The following SGO2 variants were observed in gnomAD, a reference collection of about 807,000 sequenced individuals.
The protein encoded by SGO2 is shugoshin 2.
In SGO2, 68 loss-of-function variants were observed where a neutral mutation model predicts 99.5. The observed-to-expected ratio is 0.68, with a 90% CI of 0.56 to 0.84. The LOEUF (loss-of-function observed/expected upper bound fraction) is 0.84, where lower values mean the gene tolerates loss of function less well. Ranked by LOEUF, SGO2 falls within the 40% of genes least tolerant of loss-of-function variation. The pLI, the probability that SGO2 is intolerant of heterozygous loss-of-function variation, is 0.00. For missense variants in SGO2, 1,350 were observed against 1,436.7 expected, an observed-to-expected ratio of 0.94 and a Z score of 0.97; for synonymous variants, 457 against 487.1, an observed-to-expected ratio of 0.94 and a Z score of 0.81.
chr2:200,549,861 G>C (rs978703284), intron 5 of SGO2, among the ~76,000 whole-genome samples: 2 of 152,174 alleles, frequency 1.3e-5, no homozygotes, highest in African/African-American at 4.8e-5. Context: ...AATACTTGAA[G>C]TACTGGCCAG....
intron 5 of SGO2, among the ~76,000 whole-genome samples, chr2:200,549,397 A>G (rs559648023): frequency 1.3e-5 from 2 of 152,300 alleles, no homozygotes; most frequent in East Asian, 3.9e-4. Context: ...TTCCAAACTC[A>G]CTCTACAAGG....
chr2:200,573,713 A>G lies in SGO2; in HGVS notation c.3367A>G (p.Lys1123Glu), dbSNP rs757944608. The G allele has an allele frequency of 4.3e-6, 7 of 1,612,732 alleles. No individual in the cohort carries two copies. The highest frequency in any genetic ancestry group is 5.9e-6 in the Non-Finnish European group (7 of 1,179,426). ...ADKENNLENE[K>E]MVKNKPDFYT... is the part of the protein sequence containing the mutation. ...TAAGGAAAACAATTTGGAGAATGAGAAAATGGTCAAAAATAAGCCAGACTT... is the reference window on the plus strand; with the variant it reads ...TAAGGAAAACAATTTGGAGAATGAGGAAATGGTCAAAAATAAGCCAGACTT... Residue 1123 changes from lysine to glutamate, a missense_variant, in exon 7 of 9, where the codon AAA becomes GAA. Lys to Glu is a moderately conservative substitution (Grantham distance 56). Coordinates refer to ENST00000357799, the MANE Select transcript of SGO2 (RefSeq NM_152524.6).
rs1292764178 is a variant in SGO2, at chr2:200,573,433, A to G, written c.3087A>G (p.Glu1029=). 6.2e-6 allele frequency: 10 copies of G among 1,609,348 alleles called. No individual in the cohort carries two copies. The highest frequency in any genetic ancestry group is 8.5e-6 in the Non-Finnish European group (10 of 1,178,550). Residue 1029 remains glutamate (E), a synonymous_variant, in exon 7 of 9, where the codon GAA becomes GAG. Coordinates refer to ENST00000357799, the MANE Select transcript of SGO2 (RefSeq NM_152524.6). ...LESDLKHITS[E]ADSDPGNPVE... is the part of the protein sequence containing the mutation. Reference sequence around the variant, plus strand: ...CTGATTTAAAACATATTACTAGTGAAGCAGATTCTGATCCAGGAAACCCAG... The same window carrying G: ...CTGATTTAAAACATATTACTAGTGAGGCAGATTCTGATCCAGGAAACCCAG...
chr2:200,564,027 T>C (rs1425649868), intron 5 of SGO2, among the ~76,000 whole-genome samples: 2 of 152,242 alleles, frequency 1.3e-5, no homozygotes, highest in African/African-American at 4.8e-5. Context: ...GATTAATTGA[T>C]TTTTTGAAGG....
chr2:200,564,029 T>A (rs1399867212), intron 5 of SGO2, among the ~76,000 whole-genome samples: 2 of 152,260 alleles, frequency 1.3e-5, no homozygotes, highest in East Asian at 3.8e-4. Context: ...TTAATTGATT[T>A]TTTGAAGGGT....
In SGO2 at chr2:200,573,352, G is replaced by T; in HGVS notation, c.3006G>T (p.Lys1002Asn). The change falls in exon 7 of 9, where the codon AAG becomes AAT. Residue 1002 changes from lysine (K) to asparagine (N), a missense_variant. Coordinates refer to ENST00000357799, the MANE Select transcript of SGO2 (RefSeq NM_152524.6). ...CAAAGAACATTTTGACAAAAGCTAA[G>T]AACAAACTTGCTTCACAGTTAACAG... ...CKAKNILTKA[K>N]NKLASQLTES... 2 of 1,604,190 alleles carry T rather than the reference G, an allele frequency of 1.2e-6. No individual in the cohort carries two copies. The highest frequency in any genetic ancestry group is 8.5e-7 in the Non-Finnish European group (1 of 1,177,164).
chr2:200,579,460 G>A (rs1288916425), intron 8 of SGO2, among the ~76,000 whole-genome samples: 1 of 152,186 alleles, frequency 6.6e-6, no homozygotes, highest in Admixed American at 6.5e-5. Context: ...TGCTTCTGTT[G>A]AAGTATTTTT....
chr2:200,559,251 T>C (rs2032845387), intron 5 of SGO2, among the ~76,000 whole-genome samples: 2 of 152,224 alleles, frequency 1.3e-5, no homozygotes, highest in South Asian at 4.1e-4. Flanking sequence ...AGTTATGTGC[T>C]TAATGTGTTT....
In SGO2 at chr2:200,534,648, C is replaced by T. The variant is rs1018272434; in HGVS notation, c.134-348C>T. ...AGAATCAGTTTCTCCATTCTGTCTG[C>T]TAGTCAAAGGTAGGAAATTAGGTAG... is the stretch of plus-strand genomic sequence containing the variant. On this transcript the variant is annotated intron_variant, in intron 2 of 8. Transcript: ENST00000357799. Among the ~76,000 whole-genome samples the T allele has an allele frequency of 2.0e-5, 3 of 152,164 alleles. No homozygotes were observed. The South Asian group carries it at 6.2e-4, about 31-fold the overall frequency.
rs529903342 is a variant in SGO2 at position 200,566,718 on chromosome 2, C to T, written c.474-2945C>T. Among the ~76,000 whole-genome samples the T allele has an allele frequency of 1.3e-4, 20 of 152,308 alleles. 1 individual carries two copies. In the South Asian group the frequency reaches 2.3e-3, roughly 17 times the overall value. On this transcript the variant is annotated intron_variant, in intron 5 of 8. Coordinates refer to ENST00000357799, the MANE Select transcript of SGO2 (RefSeq NM_152524.6). ...CTCCTTGAGCCGCAGGGTGCTCCAC[C>T]GGCTTCAAGCTTCCTAGCCGCTTTG...
At chr2:200,563,974 G>A (rs934545056) in intron 5 of SGO2, among the ~76,000 whole-genome samples, 36 of 151,860 alleles carry the variant, frequency 2.4e-4, no homozygotes, top group African/African-American at 4.3e-4. Flanking sequence ...TCTTGCTAGC[G>A]GTCTATCAAT....
intron 5 of SGO2, among the ~76,000 whole-genome samples, chr2:200,551,157 G>A (rs1016041965): frequency 6.6e-6 from 1 of 152,016 alleles, no homozygotes; most frequent in African/African-American, 2.4e-5. Context: ...GGAAATTAGT[G>A]TATCAAAGAG....
chr2:200,527,667 A>G (rs1289999976), intron 1 of SGO2, among the ~76,000 whole-genome samples: 2 of 152,228 alleles, frequency 1.3e-5, no homozygotes. Flanking sequence ...TCTTCCATTC[A>G]TTCATAGTCA....
At chr2:200,578,029 G>A (rs1273060293) in intron 8 of SGO2, among the ~76,000 whole-genome samples, 1 of 151,970 alleles carries the variant, frequency 6.6e-6, no homozygotes, top group African/African-American at 2.4e-5. Flanking sequence ...ACTAATTTTA[G>A]CATCCATTGG....
intron 5 of SGO2, among the ~76,000 whole-genome samples, chr2:200,551,672 A>G (rs1234096215): frequency 6.6e-6 from 1 of 152,114 alleles, no homozygotes; most frequent in African/African-American, 2.4e-5. Flanking sequence ...AATTTTGGGT[A>G]TGATGGGAGG....
chr2:200,577,955 T>A (rs2033718099), intron 8 of SGO2, among the ~76,000 whole-genome samples: 1 of 152,172 alleles, frequency 6.6e-6, no homozygotes, highest in South Asian at 2.1e-4. Context: ...TTTTCCTCTA[T>A]TGTTAATGAA....
At position 200,532,757 on chromosome 2, in the gene SGO2, A is replaced by G. The variant is rs138071202; in HGVS notation, c.-2-217A>G. 1.7e-3 allele frequency among the ~76,000 whole-genome samples: 254 copies of G among 152,264 alleles called. 2 individuals are homozygous for G. The highest frequency in any genetic ancestry group is 5.8e-3 in the African/African-American group (239 of 41,542). On this transcript the variant is annotated intron_variant, in intron 1 of 8. Transcript: ENST00000357799. ...CCTGCACCTGGTACATAGATGATTA[A>G]TGTAGGCTTAAATGAAAAAAATAAT...
intron 8 of SGO2, among the ~76,000 whole-genome samples, chr2:200,579,207 AATTCTGTGTCAGTTT>A (rs2033760154): frequency 6.6e-6 from 1 of 152,164 alleles, no homozygotes. Context: ...AAAGCTGTTG[AATTCTGTGTCAGTTT>A]ATATCTTGTT....
intron 3 of SGO2, among the ~76,000 whole-genome samples, chr2:200,535,583 C>G (rs996807298): frequency 6.6e-6 from 1 of 152,080 alleles, no homozygotes; most frequent in African/African-American, 2.4e-5. Context: ...ATAGTTGTTT[C>G]TTTTCCTTCC....
Sources: gnomAD v4.1 joint callset for allele counts (sites outside exome capture counted in the v4.1 genomes callset) on GRCh38, gnomAD v4.1.1 for gene constraint, MANE v1.5 for transcripts, NCBI Gene and HGNC (gene_info 2026-07-23, HGNC 2026-07-21) for gene names.